CAPN11: variants seen among roughly 807,000 people sequenced by gnomAD.
CAPN11 encodes calpain 11.
CAPN11 carries 108 observed loss-of-function variants against 105.3 expected under a neutral mutation model. That is an observed-to-expected ratio of 1.03 (90% CI 0.88 to 1.20). The LOEUF is 1.20. CAPN11 is among the 50% of genes most tolerant of loss of function. The pLI, the probability that CAPN11 is intolerant of heterozygous loss-of-function variation, is 0.00. For synonymous variants in CAPN11, 329 were observed against 344.5 expected (o/e 0.96, Z 0.50); for missense variants, 883 against 924.8 (o/e 0.95, Z 0.59).
rs1204025382 is a variant in CAPN11 at position 44,169,437 on chromosome 6, AC to A, written c.249del (p.Leu84TyrfsTer33). 6.2e-7 allele frequency: 1 copy of A among 1,612,814 alleles called. No homozygotes were observed. Among genetic ancestry groups the A allele is most frequent in the Non-Finnish European group, 8.5e-7 (1 of 1,179,476 alleles). ...ACLRKGELFEDPLFPAEPSSL... is the reference protein window; with the variant it reads ...ACLRKGELFEXPLFPAEPSSL... ...CTAAGAAAGGGGGAGCTCTTCGAGG[AC>A]CCCTTATTCCCTGCTGAACCCAGCT... On this transcript the variant is annotated frameshift_variant, in exon 3 of 23. Transcript: ENST00000398776. LOFTEE classifies it high-confidence loss of function.
intron 1 of CAPN11, 60 bp downstream of exon 1, chr6:44,158,924 C>A: frequency 7.0e-7 from 1 of 1,419,152 alleles, no homozygotes; most frequent in Non-Finnish European, 9.7e-7. Context: ...AGCCTCCCCC[C>A]AGGGGAGGAG....
intron 13 of CAPN11, 149 bp from the exon 14 acceptor site, chr6:44,179,803 A>G: frequency 2.3e-6 from 2 of 882,562 alleles, no homozygotes; most frequent in Non-Finnish European, 1.9e-6. Flanking sequence ...ACCCTGTTGG[A>G]GTTGCGGGCC....
rs1269330410 is a variant in CAPN11, at chr6:44,180,738, C to G, written c.1747-10C>G. The stretch of plus-strand genomic sequence containing the variant: ...GGGGCCCGAGTGGGGTTCACAGTTC[C>G]CCTTCCTAGGGCAAGGAGATAGGGG... On this transcript the variant is annotated splice_polypyrimidine_tract_variant and intron_variant, in intron 16 of 22. Coordinates refer to ENST00000398776, the MANE Select transcript of CAPN11 (RefSeq NM_007058.4). The G allele has an allele frequency of 1.9e-6, 3 of 1,613,578 alleles. 1 individual carries two copies. In the South Asian group the frequency reaches 3.3e-5, roughly 18 times the overall value.
Position 44,177,134 on chromosome 6 carries a change from C to T in CAPN11, c.1238-108C>T, listed in dbSNP as rs1772198453. On this transcript the variant is annotated intron_variant, in intron 11 of 22. Transcript: ENST00000398776. ...CAAGGGTTAGTCAGATTTCACAGCC[C>T]CTGTGGAGGAGACAGCTCCAGTGTG... 3.4e-6 allele frequency: 5 copies of T among 1,459,068 alleles called. No homozygotes were observed. In the South Asian group the frequency reaches 5.2e-5, roughly 15 times the overall value. The allele number at this position is 1,459,068 out of a possible 1,614,324, so 90.4% of individuals were successfully genotyped here.
At chr6:44,183,451 A>T (rs764369580) in intron 21 of CAPN11, among the ~76,000 whole-genome samples, 4 of 152,144 alleles carry the variant, frequency 2.6e-5, no homozygotes, top group Non-Finnish European at 5.9e-5. Context: ...TAGAATGTGG[A>T]TAATAATAGT....
At chr6:44,160,639 A>G (rs1183199618) in intron 1 of CAPN11, among the ~76,000 whole-genome samples, 1 of 152,090 alleles carries the variant, frequency 6.6e-6, no homozygotes, top group East Asian at 1.9e-4. Flanking sequence ...AAAAAACAAC[A>G]ACAACAACAA....
chr6:44,164,840 C>T (rs1178436212), intron 1 of CAPN11, among the ~76,000 whole-genome samples: 2 of 151,964 alleles, frequency 1.3e-5, no homozygotes, highest in African/African-American at 4.8e-5. Flanking sequence ...GGAGGGGGAG[C>T]GGTATGTATA....
chr6:44,181,505 C>CTCACATACAGACACA (rs1773295860), intron 19 of CAPN11, among the ~76,000 whole-genome samples, 185 bp downstream of exon 19: 1 of 145,402 alleles, frequency 6.9e-6, no homozygotes, highest in African/African-American at 2.5e-5. Context: ...CACACACACA[C>CTCACATACAGACACA]ACACTCACAT....
In CAPN11 at chr6:44,184,101, AC is replaced by A. The variant is rs993206108; in HGVS notation, c.*171del. 34 of 667,318 alleles carry A rather than the reference AC, an allele frequency of 5.1e-5. No individual in the cohort carries two copies. The highest frequency in any genetic ancestry group is 8.2e-5 in the Non-Finnish European group (32 of 390,268). 41.3% of individuals were successfully genotyped at this position (667,318 alleles called of 1,614,324 possible). A position where few individuals can be genotyped will look rare whatever the true frequency, so the allele number is the denominator to read the frequency against. On this transcript the variant is annotated 3_prime_UTR_variant, in exon 23 of 23. Transcript: ENST00000398776. ...GTGCCGTGTTTACTGCAGCAGTGGG[AC>A]CTCCGTGCCCACTCCCCCAGCTCAG... is the stretch of plus-strand genomic sequence containing the variant.
chr6:44,177,949 C>T (rs868354069), intron 12 of CAPN11, among the ~76,000 whole-genome samples: 7 of 152,192 alleles, frequency 4.6e-5, no homozygotes, highest in South Asian at 2.1e-4. Flanking sequence ...CCCTGACCTC[C>T]CAGGCTCAAG....
At chr6:44,176,395 G>A (rs1772016997) in intron 9 of CAPN11, 57 bp downstream of exon 9, 2 of 1,486,298 alleles carry the variant, frequency 1.3e-6, no homozygotes, top group Admixed American at 3.4e-5. Context: ...GCGGTGCCAG[G>A]TGGACCGACT....
chr6:44,162,724 C>T (rs145313110), intron 1 of CAPN11, among the ~76,000 whole-genome samples: 1 of 152,276 alleles, frequency 6.6e-6, no homozygotes, highest in African/African-American at 2.4e-5. Flanking sequence ...ATGGCACTTT[C>T]TCCTGTCTTT....
chr6:44,170,555 GT>G (rs1770808487), intron 4 of CAPN11, among the ~76,000 whole-genome samples: 1 of 152,196 alleles, frequency 6.6e-6, no homozygotes, highest in Non-Finnish European at 1.5e-5. Flanking sequence ...TCCAAAGCGA[GT>G]TATCTAAGAG....
Position 44,166,800 on chromosome 6 carries a change from A to C in CAPN11, c.59A>C (p.Gln20Pro). Residue 20 changes from glutamine (Q) to proline (P), a missense_variant, in exon 2 of 23, where the codon CAG (glutamine) becomes CCG (proline). Coordinates refer to ENST00000398776, the MANE Select transcript of CAPN11 (RefSeq NM_007058.4). ...PESAESLDGSQEDKPRGSCAE... is the reference protein window; with the variant it reads ...PESAESLDGSPEDKPRGSCAE... ...TCAGCAGAGAGCCTGGATGGATCAC[A>C]GGAGGATAAGCCTCGGGGCTCATGT... 6.4e-7 allele frequency: 1 copy of C among 1,552,134 alleles called. No individual in the cohort carries two copies. The highest frequency in any genetic ancestry group is 2.4e-5 in the East Asian group (1 of 40,922).
At position 44,159,309 on chromosome 6, in the gene CAPN11, G is replaced by A. The variant is rs546987536; in HGVS notation, c.16+445G>A. ...CTAGAAAAGCAGGTCCCTCAGCCCA[G>A]GAAGATGAGATCCTCAGGGTGGCAG... is the stretch of plus-strand genomic sequence containing the variant. On this transcript the variant is annotated intron_variant, in intron 1 of 22. Coordinates refer to ENST00000398776, the MANE Select transcript of CAPN11 (RefSeq NM_007058.4). Among the ~76,000 whole-genome samples, 19 of 152,284 alleles carry A rather than the reference G, an allele frequency of 1.2e-4. 1 individual carries two copies. Among genetic ancestry groups the A allele is most frequent in the African/African-American group, 4.1e-4 (17 of 41,554 alleles).
rs557423327 is a variant in CAPN11 at position 44,169,547 on chromosome 6, G to A, written c.339+16G>A. On this transcript the variant is annotated intron_variant, in intron 3 of 22. Transcript: ENST00000398776. ...GCGGCCCAAGGTGGGCACTGGAAGG[G>A]AGGCATGGACTCATGGATGGAAGGG... The A allele has an allele frequency of 2.6e-5, 41 of 1,547,720 alleles. No homozygotes were observed. In the South Asian group the frequency reaches 4.6e-4, roughly 17 times the overall value.
intron 1 of CAPN11, among the ~76,000 whole-genome samples, chr6:44,161,178 T>G (rs1582852253): frequency 1.1e-4 from 3 of 26,188 alleles, no homozygotes; most frequent in South Asian, 7.3e-4. Context: ...TTCTTTTGGG[T>G]TTTTTTTTTT....
chr6:44,181,285 T>C lies in CAPN11; in HGVS notation c.1903T>C (p.Phe635Leu). 1.2e-6 allele frequency: 2 copies of C among 1,613,246 alleles called. No homozygotes were observed. Among genetic ancestry groups the C allele is most frequent in the South Asian group, 1.1e-5 (1 of 91,062 alleles). ...DGSGKLGLLE[F>L]KILWKKLKKW... ...CTCTGGCAAGCTGGGGCTTCTAGAG[T>C]TCAAGATCCTGTGGAAAAAACTCAA... is the stretch of plus-strand genomic sequence containing the variant. The change falls in exon 19 of 23, where the codon TTC becomes CTC. Residue 635 changes from phenylalanine (F) to leucine (L), a missense_variant. Coordinates refer to ENST00000398776, the MANE Select transcript of CAPN11 (RefSeq NM_007058.4).
Position 44,169,317 on chromosome 6 carries a change from T to C in CAPN11, c.125T>C (p.Ile42Thr). The change falls in exon 3 of 23, where the codon ATA becomes ACA. Residue 42 changes from isoleucine (I) to threonine (T), a missense_variant. Transcript: ENST00000398776. ...TFTDTGMVAH[I>T]NNSRLKAKGV... ...ACTGATACGGGAATGGTGGCTCACA[T>C]AAACAACAGCCGGCTCAAGGCCAAG... 1.2e-6 allele frequency: 2 copies of C among 1,613,292 alleles called. No individual in the cohort carries two copies. Among genetic ancestry groups the C allele is most frequent in the Non-Finnish European group, 8.5e-7 (1 of 1,179,566 alleles).
Sources: allele counts gnomAD v4.1 joint callset (sites outside exome capture counted in the v4.1 genomes callset), GRCh38; gene constraint gnomAD v4.1.1; transcripts MANE v1.5; gene names NCBI Gene and HGNC (gene_info 2026-07-23, HGNC 2026-07-21).